The following AKT3 variants were observed in gnomAD, a reference collection of about 807,000 sequenced individuals.
The protein encoded by AKT3 is AKT serine/threonine kinase 3.
A neutral mutation model predicts 65.3 loss-of-function variants in AKT3; 15 were observed. The ratio of observed to expected loss-of-function variants is 0.23; its 90% confidence interval spans 0.15 to 0.35. The LOEUF (loss-of-function observed/expected upper bound fraction) is 0.35, where lower values mean the gene tolerates loss of function less well. Ranked by LOEUF, AKT3 falls within the 10% of genes least tolerant of loss-of-function variation. The pLI is 1.00. For missense variants in AKT3, 243 were observed against 576.5 expected (o/e 0.42, Z 5.92); for synonymous variants, 206 against 183.8 (o/e 1.12, Z -0.98).
chr1:243,787,341 G>A (rs1439349493), intron 2 of AKT3, among the ~76,000 whole-genome samples: 1 of 152,040 alleles, frequency 6.6e-6, no homozygotes, highest in Non-Finnish European at 1.5e-5. Flanking sequence ...AGATCTACAA[G>A]GCTTGTTATG....
At chr1:243,638,625 A>G (rs1680148604) in intron 5 of AKT3, among the ~76,000 whole-genome samples, 1 of 152,166 alleles carries the variant, frequency 6.6e-6, no homozygotes, top group African/African-American at 2.4e-5. Flanking sequence ...AGAGAAGGTA[A>G]TTGTATATGA....
intron 2 of AKT3, among the ~76,000 whole-genome samples, chr1:243,838,498 A>G (rs1157354921): frequency 6.6e-6 from 1 of 152,184 alleles, no homozygotes; most frequent in Non-Finnish European, 1.5e-5. Flanking sequence ...GAACAAAAAA[A>G]AACACATGCA....
At chr1:243,536,351 T>A (rs1305909981) in intron 12 of AKT3, among the ~76,000 whole-genome samples, 1 of 152,210 alleles carries the variant, frequency 6.6e-6, no homozygotes, top group Admixed American at 6.5e-5. Flanking sequence ...GAATTTTTTA[T>A]GGTTTCAGGT....
chr1:243,515,399 A>C (rs1209713226), intron 12 of AKT3, among the ~76,000 whole-genome samples: 1 of 152,046 alleles, frequency 6.6e-6, no homozygotes, highest in Non-Finnish European at 1.5e-5. Context: ...AAAAAAAAAA[A>C]AAACCCAATT....
intron 3 of AKT3, among the ~76,000 whole-genome samples, chr1:243,693,243 G>T (rs7526046): frequency 0.68 from 30,492 of 44,684 alleles, 10,830 homozygotes; most frequent in Non-Finnish European, 0.76. Flanking sequence ...GCTACAATTT[G>T]ATATATATAT....
intron 2 of AKT3, among the ~76,000 whole-genome samples, chr1:243,826,618 A>C (rs1308022979): frequency 6.6e-6 from 1 of 152,242 alleles, no homozygotes; most frequent in Non-Finnish European, 1.5e-5. Context: ...TGAAACCTTG[A>C]AGCAACAAGT....
chr1:243,809,226 C>T (rs952137819), intron 2 of AKT3, among the ~76,000 whole-genome samples: 1 of 152,138 alleles, frequency 6.6e-6, no homozygotes, highest in African/African-American at 2.4e-5. Context: ...AATTAAAAGA[C>T]ACAGACTGGC....
chr1:243,583,177 TATATATATATATATATATAC>T (rs1675518914), intron 8 of AKT3, among the ~76,000 whole-genome samples: 5 of 112,472 alleles, frequency 4.4e-5, no homozygotes, highest in African/African-American at 1.5e-4. Flanking sequence ...TGTGTATATA[TATATATATATATATATATAC>T]ACACACACAC....
At chr1:243,740,952 G>T (rs1688117025) in intron 2 of AKT3, 1 of 152,138 alleles carries the variant, frequency 6.6e-6, no homozygotes, top group South Asian at 2.1e-4. Flanking sequence ...TGTTTATTAA[G>T]TTCTAGGGTA....
intron 2 of AKT3, among the ~76,000 whole-genome samples, chr1:243,750,976 T>C (rs1688777082): frequency 6.6e-6 from 1 of 152,216 alleles, no homozygotes; most frequent in Non-Finnish European, 1.5e-5. Flanking sequence ...TTGGTACTGA[T>C]ACTATCAGTC....
chr1:243,552,643 G>C, intron 11 of AKT3, 86 bp downstream of exon 11: 1 of 1,215,542 alleles, frequency 8.2e-7, no homozygotes, highest in Non-Finnish European at 1.2e-6. Flanking sequence ...ATTGCTTCTT[G>C]GAGTTAGTTA....
At chr1:243,753,908 C>T (rs760452017) in intron 2 of AKT3, among the ~76,000 whole-genome samples, 51 of 152,272 alleles carry the variant, frequency 3.3e-4, no homozygotes, top group Admixed American at 7.8e-4. Flanking sequence ...ACAATGAACC[C>T]TCTCTTCTAA....
intron 7 of AKT3, 118 bp from the exon 8 acceptor site, chr1:243,613,857 T>C: frequency 1.7e-6 from 1 of 588,152 alleles, no homozygotes; most frequent in Non-Finnish European, 2.7e-6. Flanking sequence ...GAATTGTTAT[T>C]GTTTAAGAGT....
At chr1:243,596,196 C>T (rs981057176) in intron 8 of AKT3, among the ~76,000 whole-genome samples, 14 of 152,084 alleles carry the variant, frequency 9.2e-5, no homozygotes, top group Non-Finnish European at 1.9e-4. Context: ...ACAAACATTT[C>T]TTGGACAGTA....
At chr1:243,847,117 G>A (rs1278142925) in intron 1 of AKT3, among the ~76,000 whole-genome samples, 1 of 152,152 alleles carries the variant, frequency 6.6e-6, no homozygotes, top group Non-Finnish European at 1.5e-5. Context: ...TGCACATGCT[G>A]AAACCTGGAG....
chr1:243,609,494 C>G (rs965443592), intron 8 of AKT3, among the ~76,000 whole-genome samples: 1 of 151,990 alleles, frequency 6.6e-6, no homozygotes, highest in African/African-American at 2.4e-5. Flanking sequence ...CCCGTTTCTA[C>G]TAAAAATACA....
At position 243,503,886 on chromosome 1, in the gene AKT3, A is replaced by T. The variant is rs950053385; in HGVS notation, c.*1363T>A. 2 of 227,864 alleles carry T rather than the reference A, an allele frequency of 8.8e-6. No individual in the cohort carries two copies. The allele number at this position is 227,864 out of a possible 1,614,324, so 14.1% of individuals were successfully genotyped here. A position where few individuals can be genotyped will look rare whatever the true frequency, so the allele number is the denominator to read the frequency against. ...CTTCACTCAGGTCTCAATTTTCTTC[A>T]TTACTTTTTGTTGCCAGGTCATCAT... On this transcript the variant is annotated 3_prime_UTR_variant, in exon 14 of 14. Transcript: ENST00000673466.
intron 10 of AKT3, among the ~76,000 whole-genome samples, chr1:243,555,618 T>C (rs1275054731): frequency 6.6e-6 from 1 of 152,172 alleles, no homozygotes; most frequent in Non-Finnish European, 1.5e-5. Context: ...CTACCTCTGA[T>C]CATTTTTTTC....
intron 2 of AKT3, among the ~76,000 whole-genome samples, chr1:243,744,532 G>A (rs1225716584): frequency 6.6e-6 from 1 of 151,986 alleles, no homozygotes; most frequent in Non-Finnish European, 1.5e-5. Flanking sequence ...GAGGTCAGGA[G>A]ATCGAGACCA....
Sources: allele counts gnomAD v4.1 joint callset (sites outside exome capture counted in the v4.1 genomes callset), GRCh38; gene constraint gnomAD v4.1.1; transcripts MANE v1.5; gene names NCBI Gene and HGNC (gene_info 2026-07-23, HGNC 2026-07-21).